Variants in PSMG2 observed in about 807,000 individuals in gnomAD.
PSMG2 encodes the protein CD40 ligand-activated specific transcript 3.
A neutral mutation model predicts 31.5 loss-of-function variants in PSMG2; 21 were observed. That is an observed-to-expected ratio of 0.67 (90% CI 0.47 to 0.96). The LOEUF is 0.96. Among genes scored for constraint, PSMG2 ranks in the 40% least tolerant of loss-of-function variants. The pLI is 0.00. For synonymous variants in PSMG2, 120 were observed against 110.4 expected (o/e 1.09, Z -0.54); for missense variants, 318 against 321.2 (o/e 0.99, Z 0.08).
chr18:12,686,341 T>C (rs750511849), intron 1 of PSMG2: 1 of 1,614,110 alleles, frequency 6.2e-7, no homozygotes, highest in Non-Finnish European at 8.5e-7. Flanking sequence ...GGCTCGTTCA[T>C]AACCAAGGAC....
intron 1 of PSMG2, chr18:12,678,550 A>G (rs764328996): frequency 1.1e-4 from 74 of 655,834 alleles, no homozygotes; most frequent in Non-Finnish European, 1.6e-4. Context: ...TCTCAGAACT[A>G]CAGTTTAATA....
At chr18:12,701,118 G>T, upstream of PSMG2, 1 of 1,604,130 alleles carries the variant, frequency 6.2e-7, no homozygotes, top group Non-Finnish European at 8.5e-7. Flanking sequence ...ATCCATCTAT[G>T]TAGAAAACTC....
upstream of PSMG2, chr18:12,701,215 TACC>T (rs1205005666): frequency 6.4e-6 from 5 of 778,262 alleles, 1 homozygote; most frequent in South Asian, 5.3e-5. Flanking sequence ...GCACAATTGT[TACC>T]ACAATTGAAT....
intron 5 of PSMG2, among the ~76,000 whole-genome samples, chr18:12,723,657 G>T (rs1247210613): frequency 6.6e-6 from 1 of 152,128 alleles, no homozygotes; most frequent in East Asian, 1.9e-4. Context: ...CTCCCAAAGT[G>T]CTGGGATTAC....
chr18:12,701,393 G>A (rs2040144776), upstream of PSMG2, among the ~76,000 whole-genome samples: 1 of 152,110 alleles, frequency 6.6e-6, no homozygotes, highest in South Asian at 2.1e-4. Context: ...ACACGGACTG[G>A]GAGTAGGCAG....
upstream of PSMG2, chr18:12,702,679 C>T: frequency 9.8e-7 from 1 of 1,025,582 alleles, no homozygotes; most frequent in South Asian, 1.7e-5. Flanking sequence ...AGCGCAGCTC[C>T]CGGGGGACGC....
intron 1 of PSMG2, chr18:12,672,620 G>C (rs745490090): frequency 1.7e-4 from 166 of 978,384 alleles, no homozygotes; most frequent in Non-Finnish European, 1.9e-4. Flanking sequence ...TCTGACCACA[G>C]AAAATCAGTG....
intron 3 of PSMG2, among the ~76,000 whole-genome samples, chr18:12,716,157 T>A (rs1033495508): frequency 2.0e-5 from 3 of 152,238 alleles, no homozygotes; most frequent in Non-Finnish European, 4.4e-5. Context: ...ATGCTACATT[T>A]GATTATTTCC....
intron 1 of PSMG2, among the ~76,000 whole-genome samples, chr18:12,696,001 GA>G (rs1303033644): frequency 1.3e-5 from 2 of 152,030 alleles, no homozygotes; most frequent in African/African-American, 4.8e-5. Flanking sequence ...TAAAGAACTA[GA>G]AAACAAATAT....
At chr18:12,663,222 G>A (rs1490837190) in intron 1 of PSMG2, among the ~76,000 whole-genome samples, 1 of 152,060 alleles carries the variant, frequency 6.6e-6, no homozygotes, top group Non-Finnish European at 1.5e-5. Context: ...CAAACATTAG[G>A]ACAAGCAGTA....
At chr18:12,694,967 G>A (rs185790932) in intron 1 of PSMG2, among the ~76,000 whole-genome samples, 6 of 151,712 alleles carry the variant, frequency 4.0e-5, no homozygotes, top group African/African-American at 2.4e-5. Flanking sequence ...CGCCCGCCTC[G>A]GCCTCCCAAA....
intron 4 of PSMG2, among the ~76,000 whole-genome samples, chr18:12,719,500 G>A (rs2040409874): frequency 6.6e-6 from 1 of 151,702 alleles, no homozygotes; most frequent in South Asian, 2.1e-4. Flanking sequence ...CGATTCTCCT[G>A]CCTCAGCCTC....
chr18:12,687,447 G>A (rs1196253211), intron 1 of PSMG2, among the ~76,000 whole-genome samples: 2 of 151,684 alleles, frequency 1.3e-5, no homozygotes, highest in Non-Finnish European at 2.9e-5. Flanking sequence ...AACTATAGAA[G>A]GCATCAATTT....
At chr18:12,661,304 AT>A (rs2038691770) in intron 1 of PSMG2, 1 of 914,712 alleles carries the variant, frequency 1.1e-6, no homozygotes. Context: ...GTGAGCCTTC[AT>A]CTCAAAAAAG....
upstream of PSMG2, among the ~76,000 whole-genome samples, chr18:12,701,793 C>T (rs1211902392): frequency 6.6e-6 from 1 of 152,186 alleles, no homozygotes; most frequent in East Asian, 1.9e-4. Context: ...GATTGAAGCT[C>T]CTGGTTCAAC....
At chr18:12,693,930 C>A (rs955824591) in intron 1 of PSMG2, among the ~76,000 whole-genome samples, 3 of 152,124 alleles carry the variant, frequency 2.0e-5, no homozygotes, top group African/African-American at 7.2e-5. Context: ...ATTCCTGGGT[C>A]AAGCAATCCT....
chr18:12,691,056 G>A (rs965933566), intron 1 of PSMG2, among the ~76,000 whole-genome samples: 2 of 151,798 alleles, frequency 1.3e-5, no homozygotes, highest in African/African-American at 2.4e-5. Context: ...AAACAAAATG[G>A]ATTTTCATCT....
intron 3 of PSMG2, among the ~76,000 whole-genome samples, chr18:12,716,538 C>T (rs1245784309): frequency 4.6e-5 from 7 of 151,874 alleles, no homozygotes; most frequent in African/African-American, 7.3e-5. Flanking sequence ...GGACTACAGG[C>T]GCCCACCATC....
upstream of PSMG2, among the ~76,000 whole-genome samples, chr18:12,698,188 AAATT>A (rs754582026): frequency 2.6e-5 from 4 of 151,684 alleles, no homozygotes; most frequent in East Asian, 7.7e-4. Context: ...GTATTTATAA[AAATT>A]TATTAGAAGT....
Sources: gnomAD v4.1 joint callset for allele counts (sites outside exome capture counted in the v4.1 genomes callset) on GRCh38, gnomAD v4.1.1 for gene constraint, MANE v1.5 for transcripts, NCBI Gene and HGNC (gene_info 2026-07-23, HGNC 2026-07-21) for gene names.